TTLL5: variants seen among roughly 807,000 people sequenced by gnomAD.
The protein encoded by TTLL5 is tubulin tyrosine ligase like 5.
Under a neutral mutation model 168.4 loss-of-function variants are expected in TTLL5, and 132 were observed. That is an observed-to-expected ratio of 0.78 (90% confidence interval 0.68 to 0.91). The LOEUF is 0.91. Among genes scored for constraint, TTLL5 ranks in the 40% least tolerant of loss-of-function variants. The probability of loss-of-function intolerance (pLI) is 0.00; values close to 1 mark genes in which losing one functional copy is unlikely to be tolerated. For synonymous variants in TTLL5, 546 were observed against 558.6 expected (o/e 0.98, Z 0.32); for missense variants, 1,545 against 1,581.5 (o/e 0.98, Z 0.39).
intron 12 of TTLL5, among the ~76,000 whole-genome samples, chr14:75,729,753 T>C (rs1888414871): frequency 1.3e-5 from 2 of 152,194 alleles, no homozygotes; most frequent in Admixed American, 1.3e-4. Flanking sequence ...TCTGTAGAGG[T>C]TGTTTAGCAG....
rs182298300 is a variant in TTLL5, at chr14:75,911,243, G to A, written c.3823+9019G>A. Among the ~76,000 whole-genome samples, 1,294 of 152,026 alleles carry A rather than the reference G, an allele frequency of 8.5e-3. 77 individuals are homozygous for A. The highest frequency in any genetic ancestry group is 0.078 in the Admixed American group (1,190 of 15,276). ...AGACAGTGTTTCACCATGTTGGCCC[G>A]GCTGGCCTCGAACTCCTGACCTCAA... On this transcript the variant is annotated intron_variant, in intron 31 of 31. Transcript: ENST00000298832.
rs561078439 is a variant in TTLL5 at position 75,827,707 on chromosome 14, C to CTTTTTTTTTTTTTTT, written c.3326+7563_3326+7577dup. Among the ~76,000 whole-genome samples the CTTTTTTTTTTTTTTT allele has an allele frequency of 3.2e-4, 17 of 53,206 alleles. 2 individuals carry two copies. Among genetic ancestry groups the CTTTTTTTTTTTTTTT allele is most frequent in the African/African-American group, 4.0e-4 (5 of 12,458 alleles). 34.9% of individuals were successfully genotyped at this position (53,206 alleles called of 152,430 possible). On this transcript the variant is annotated intron_variant, in intron 28 of 31. Transcript: ENST00000298832. ...AATCAATACCACATTTGGCTTGGTT[C>CTTTTTTTTTTTTTTT]TTTTTTTTTTTTTTTTTTTTTTTTT...
intron 20 of TTLL5, among the ~76,000 whole-genome samples, chr14:75,768,786 A>C (rs1891110402): frequency 1.3e-5 from 2 of 152,198 alleles, no homozygotes; most frequent in South Asian, 4.1e-4. Flanking sequence ...CTGGAGGGTG[A>C]CATTGGAGTA....
At chr14:75,682,349 G>A (rs1884687473) in intron 4 of TTLL5, among the ~76,000 whole-genome samples, 1 of 152,110 alleles carries the variant, frequency 6.6e-6, no homozygotes, top group South Asian at 2.1e-4. Context: ...GCACAGCCAG[G>A]GAAGGTCCCC....
At position 75,954,533 on chromosome 14, in the gene TTLL5, A is replaced by G; in HGVS notation, c.*87A>G. On this transcript the variant is annotated 3_prime_UTR_variant, in exon 32 of 32. Coordinates refer to ENST00000298832, the MANE Select transcript of TTLL5 (RefSeq NM_015072.5). The stretch of plus-strand genomic sequence containing the variant: ...CATCCACCAGCACTTCAAGGGGTCC[A>G]TAGTATTTTTTTTTTTGCTGCCTCA... The G allele has an allele frequency of 1.3e-6, 2 of 1,508,032 alleles. No individual in the cohort carries two copies. The highest frequency in any genetic ancestry group is 1.2e-5 in the South Asian group (1 of 84,388). The allele number at this position is 1,508,032 out of a possible 1,614,324, so 93.4% of individuals were successfully genotyped here. A position where few individuals can be genotyped will look rare whatever the true frequency, so the allele number is the denominator to read the frequency against.
At chr14:75,870,858 G>T (rs1595180358) in intron 29 of TTLL5, among the ~76,000 whole-genome samples, 1 of 149,226 alleles carries the variant, frequency 6.7e-6, no homozygotes, top group Admixed American at 6.7e-5. Flanking sequence ...GCAGTGGCTC[G>T]ATCTCGGCTC....
At chr14:75,921,851 A>C (rs771741985) in intron 31 of TTLL5, among the ~76,000 whole-genome samples, 2 of 152,190 alleles carry the variant, frequency 1.3e-5, no homozygotes, top group African/African-American at 2.4e-5. Flanking sequence ...GATTCTTCCT[A>C]TCCATGAGCA....
chr14:75,733,774 C>T lies in TTLL5; in HGVS notation c.1125-215C>T, dbSNP rs551858693. 4.6e-5 allele frequency among the ~76,000 whole-genome samples: 7 copies of T among 152,214 alleles called. No individual in the cohort carries two copies. The South Asian group carries it at 6.2e-4, about 14-fold the overall frequency. The stretch of plus-strand genomic sequence containing the variant: ...GTTAGAGAATCAATGGATGGTGCTG[C>T]GTTTGCATTACAGAGGACGAATTTA... On this transcript the variant is annotated intron_variant, in intron 13 of 31. Transcript: ENST00000298832.
At chr14:75,929,730 G>A in intron 31 of TTLL5, among the ~76,000 whole-genome samples, 1 of 152,108 alleles carries the variant, frequency 6.6e-6, no homozygotes, top group East Asian at 1.9e-4. Context: ...TGGGATTACA[G>A]GAGTGAGCCA....
chr14:75,743,837 T>C (rs1289825683), intron 15 of TTLL5, among the ~76,000 whole-genome samples: 2 of 152,056 alleles, frequency 1.3e-5, no homozygotes, highest in Non-Finnish European at 2.9e-5. Context: ...CACCTTGGCC[T>C]CCCAAAGTGC....
chr14:75,856,789 G>A (rs1897153062), intron 28 of TTLL5, among the ~76,000 whole-genome samples: 1 of 151,934 alleles, frequency 6.6e-6, no homozygotes, highest in Admixed American at 6.6e-5. Context: ...ACCACTCCTG[G>A]CTAATTTTTG....
At chr14:75,677,142 A>AT (rs914491757) in intron 3 of TTLL5, among the ~76,000 whole-genome samples, 3 of 151,992 alleles carry the variant, frequency 2.0e-5, no homozygotes, top group Non-Finnish European at 4.4e-5. Flanking sequence ...GACTTTTATT[A>AT]TTTTTTTACT....
intron 18 of TTLL5, among the ~76,000 whole-genome samples, chr14:75,757,402 A>G (rs1890343027): frequency 6.6e-6 from 1 of 152,186 alleles, no homozygotes; most frequent in African/African-American, 2.4e-5. Flanking sequence ...AAAGAGCACT[A>G]CAGTTTGAGA....
intron 5 of TTLL5, chr14:75,684,069 C>T (rs148066329): frequency 4.7e-4 from 90 of 190,874 alleles, no homozygotes; most frequent in African/African-American, 1.8e-3. Context: ...CCACCACGCC[C>T]GGCCAGAAGA....
intron 31 of TTLL5, among the ~76,000 whole-genome samples, chr14:75,929,582 A>T (rs886439673): frequency 2.6e-5 from 4 of 151,440 alleles, no homozygotes; most frequent in African/African-American, 9.7e-5. Flanking sequence ...CCGCCCAAGT[A>T]GCTGGGATTA....
intron 9 of TTLL5, among the ~76,000 whole-genome samples, chr14:75,716,510 C>T (rs981745861): frequency 1.3e-5 from 2 of 152,006 alleles, no homozygotes; most frequent in Non-Finnish European, 2.9e-5. Flanking sequence ...TAATGCTGAC[C>T]TTTAATGTGG....
intron 3 of TTLL5, among the ~76,000 whole-genome samples, chr14:75,681,188 A>G (rs1378672903): frequency 2.0e-5 from 3 of 152,196 alleles, no homozygotes; most frequent in Non-Finnish European, 4.4e-5. Context: ...AGAATAATTG[A>G]TATTTTGAGA....
chr14:75,775,213 A>G (rs1891647303), intron 21 of TTLL5, among the ~76,000 whole-genome samples: 1 of 152,098 alleles, frequency 6.6e-6, no homozygotes, highest in South Asian at 2.1e-4. Context: ...TACTTTTACA[A>G]CTGCTACTTT....
intron 28 of TTLL5, among the ~76,000 whole-genome samples, chr14:75,860,070 G>A (rs1897323654): frequency 6.6e-6 from 1 of 152,178 alleles, no homozygotes; most frequent in African/African-American, 2.4e-5. Context: ...TGTAGACTGG[G>A]CTTATGTTAC....
Sources: gnomAD v4.1 joint callset for allele counts (sites outside exome capture counted in the v4.1 genomes callset) on GRCh38, gnomAD v4.1.1 for gene constraint, MANE v1.5 for transcripts, NCBI Gene and HGNC (gene_info 2026-07-23, HGNC 2026-07-21) for gene names.